ATP11A: variants seen among roughly 807,000 people sequenced by gnomAD.
ATP11A encodes ATPase phospholipid transporting 11A.
ATP11A carries 81 observed loss-of-function variants against 154.4 expected under a neutral mutation model. The observed-to-expected ratio is 0.52, with a 90% CI of 0.44 to 0.63. The LOEUF (loss-of-function observed/expected upper bound fraction) is 0.63, where lower values mean the gene tolerates loss of function less well. ATP11A is among the 30% of genes least tolerant of loss of function. The pLI is 0.00. For missense variants in ATP11A, 1,316 were observed against 1,474.3 expected, an observed-to-expected ratio of 0.89 and a Z score of 1.76; for synonymous variants, 623 against 585.9, an observed-to-expected ratio of 1.06 and a Z score of -0.91.
chr13:112,837,763 C>T (rs943608467), intron 16 of ATP11A, among the ~76,000 whole-genome samples: 2 of 152,114 alleles, frequency 1.3e-5, no homozygotes, highest in African/African-American at 4.8e-5. Context: ...AGAGCAGGGC[C>T]ATCATCAGTG....
intron 1 of ATP11A, among the ~76,000 whole-genome samples, chr13:112,695,360 G>A (rs748321606): frequency 6.6e-6 from 1 of 152,214 alleles, no homozygotes. Flanking sequence ...CTCATCACAC[G>A]AATTCACCAA....
At chr13:112,814,372 T>C (rs1399946931) in intron 5 of ATP11A, among the ~76,000 whole-genome samples, 1 of 152,170 alleles carries the variant, frequency 6.6e-6, no homozygotes, top group African/African-American at 2.4e-5. Flanking sequence ...TGATTTTTTT[T>C]TTTTCTTTTG....
chr13:112,725,516 G>T (rs1376585047), intron 1 of ATP11A, among the ~76,000 whole-genome samples: 1 of 152,250 alleles, frequency 6.6e-6, no homozygotes, highest in East Asian at 1.9e-4. Flanking sequence ...TCTGCACGCG[G>T]CTGGCTCTGC....
chr13:112,789,649 C>T (rs1459837335), intron 2 of ATP11A, among the ~76,000 whole-genome samples: 1 of 151,004 alleles, frequency 6.6e-6, no homozygotes, highest in Non-Finnish European at 1.5e-5. Flanking sequence ...CATGTAGACC[C>T]CTGTGGAGAC....
At chr13:112,865,785 A>C (rs1053128658) in intron 25 of ATP11A, among the ~76,000 whole-genome samples, 2 of 152,190 alleles carry the variant, frequency 1.3e-5, no homozygotes, top group African/African-American at 4.8e-5. Flanking sequence ...TCCTGACCTC[A>C]GGTGATCTGC....
At chr13:112,802,566 A>C (rs1369295198) in intron 2 of ATP11A, among the ~76,000 whole-genome samples, 2 of 151,632 alleles carry the variant, frequency 1.3e-5, no homozygotes, top group Admixed American at 6.6e-5. Context: ...AAAAAAAAAA[A>C]AAAAAAACCC....
At position 112,733,011 on chromosome 13, in the gene ATP11A, GAC is replaced by G. The variant is rs1290319435; in HGVS notation, c.39+42560_39+42561del. Among the ~76,000 whole-genome samples, 4 of 152,182 alleles carry G rather than the reference GAC, an allele frequency of 2.6e-5. 1 individual carries two copies. The highest frequency in any genetic ancestry group is 4.1e-4 in the South Asian group (2 of 4,824). On this transcript the variant is annotated intron_variant, in intron 1 of 29. Coordinates refer to ENST00000375645, the MANE Select transcript of ATP11A (RefSeq NM_015205.3). ...CTTCTATTTTAGAGTTGGAGCAATA[GAC>G]ACAGGTTTACAAGTTATTTATATAA...
At chr13:112,850,470 T>C (rs946671212) in intron 17 of ATP11A, among the ~76,000 whole-genome samples, 2 of 152,206 alleles carry the variant, frequency 1.3e-5, no homozygotes, top group African/African-American at 4.8e-5. Context: ...TATGGTAACA[T>C]CCAGAATGAT....
chr13:112,753,082 G>A lies in ATP11A; in HGVS notation c.40-32053G>A, dbSNP rs963784199. On this transcript the variant is annotated intron_variant, in intron 1 of 29. Transcript: ENST00000375645. The surrounding 1 kb of genome is among the most constrained non-coding windows in gnomAD (Gnocchi z 4.1). ...CATCAGGCCCAGGGTAAATGAGTCA[G>A]TGTTCCCAATGACATATACGGTGGC... 6.6e-6 allele frequency among the ~76,000 whole-genome samples: 1 copy of A among 152,206 alleles called. No individual in the cohort carries two copies. Among genetic ancestry groups the A allele is most frequent in the African/African-American group, 2.4e-5 (1 of 41,454 alleles).
At chr13:112,861,614 A>G (rs2080105232) in intron 24 of ATP11A, among the ~76,000 whole-genome samples, 1 of 152,270 alleles carries the variant, frequency 6.6e-6, no homozygotes, top group East Asian at 1.9e-4. Flanking sequence ...GGGATTCTGC[A>G]GGAATCCGTG....
rs970491485 is a variant in ATP11A, at chr13:112,866,821, G to A, written c.2991+4246G>A. On this transcript the variant is annotated intron_variant, in intron 25 of 29. Transcript: ENST00000375645. The stretch of plus-strand genomic sequence containing the variant: ...TTACTAAACACTGCTGTTATCCTTC[G>A]TCATCACTTAAATCAGTTTTTACCA... Among the ~76,000 whole-genome samples, 5 of 151,354 alleles carry A rather than the reference G, an allele frequency of 3.3e-5. No individual in the cohort carries two copies. In the East Asian group the frequency reaches 5.9e-4, roughly 18 times the overall value.
rs1170496666 is a variant in ATP11A, at chr13:112,746,828, G to C, written c.40-38307G>C. ...CTACGTTGACCTCCCTAAGTGCTGG[G>C]ATTACAGCTGTGAGCTGCTGTGCCT... On this transcript the variant is annotated intron_variant, in intron 1 of 29. Transcript: ENST00000375645. The surrounding 1 kb of genome is among the most constrained non-coding windows in gnomAD (Gnocchi z 4.1). 6.6e-6 allele frequency: 1 copy of C among 152,096 alleles called. No individual in the cohort carries two copies. Among genetic ancestry groups the C allele is most frequent in the Non-Finnish European group, 1.5e-5 (1 of 68,046 alleles). The allele number at this position is 152,096 out of a possible 1,614,324, so 9.4% of individuals were successfully genotyped here. A position where few individuals can be genotyped will look rare whatever the true frequency, so the allele number is the denominator to read the frequency against.
At chr13:112,698,270 T>G (rs914948406) in intron 1 of ATP11A, among the ~76,000 whole-genome samples, 1 of 152,062 alleles carries the variant, frequency 6.6e-6, no homozygotes, top group African/African-American at 2.4e-5. Flanking sequence ...CTGGCCTGAG[T>G]TGCTGGGCCC....
chr13:112,832,957 G>T lies in ATP11A; in HGVS notation c.1493G>T (p.Gly498Val). 1 of 1,613,926 alleles carries T rather than the reference G, an allele frequency of 6.2e-7. No homozygotes were observed. Among genetic ancestry groups the T allele is most frequent in the African/African-American group, 1.3e-5 (1 of 75,054 alleles). ...SVDGPRKSPDGGKSCVYISSS... is the reference protein window; with the variant it reads ...SVDGPRKSPDVGKSCVYISSS... ...GACGGCCCCAGGAAATCGCCGGACG[G>T]GGGGAAATCCTGTGTGTACATCTCA... Residue 498 changes from glycine to valine, a missense_variant, in exon 14 of 30, where the codon GGG becomes GTG. By Grantham distance (109) the Gly-to-Val change is moderately radical. Transcript: ENST00000375645.
intron 1 of ATP11A, among the ~76,000 whole-genome samples, chr13:112,779,748 A>G (rs1349449392): frequency 6.6e-6 from 1 of 152,088 alleles, no homozygotes; most frequent in Non-Finnish European, 1.5e-5. Flanking sequence ...TCTACTAAAA[A>G]TACAAAATTA....
Position 112,857,863 on chromosome 13 carries a change from G to A in ATP11A, c.2464G>A (p.Ala822Thr), listed in dbSNP as rs1334835474. The change falls in exon 21 of 30, where the codon GCA (alanine) becomes ACA (threonine). Residue 822 changes from alanine to threonine, a missense_variant. Transcript: ENST00000375645. ...KFSKEHPITL[A>T]IGDGANDVSM... ...TTCAAAAGAGCACCCAATCACGTTAGCAATTGGCGATGGTGCAAATGATGT... is the reference window on the plus strand; with the variant it reads ...TTCAAAAGAGCACCCAATCACGTTAACAATTGGCGATGGTGCAAATGATGT... The A allele has an allele frequency of 6.2e-7, 1 of 1,614,102 alleles. No individual in the cohort carries two copies. The highest frequency in any genetic ancestry group is 1.3e-5 in the African/African-American group (1 of 74,934).
intron 1 of ATP11A, among the ~76,000 whole-genome samples, chr13:112,708,809 T>A (rs969443320): frequency 4.6e-5 from 7 of 152,158 alleles, no homozygotes; most frequent in Non-Finnish European, 1.0e-4. Flanking sequence ...AACGAGTGGC[T>A]CTCCCGCCTG....
chr13:112,792,471 T>C (rs1427239872), intron 2 of ATP11A, among the ~76,000 whole-genome samples: 2 of 152,240 alleles, frequency 1.3e-5, no homozygotes, highest in African/African-American at 4.8e-5. Flanking sequence ...GTTAAGACTT[T>C]TTAAGTGCCA....
chr13:112,823,032 G>A (rs2078839902), intron 8 of ATP11A, among the ~76,000 whole-genome samples: 2 of 152,284 alleles, frequency 1.3e-5, no homozygotes, highest in South Asian at 2.1e-4. Flanking sequence ...GAGGTCTCTC[G>A]GGGAGTGTTG....
Sources: gnomAD v4.1 joint callset for allele counts (sites outside exome capture counted in the v4.1 genomes callset) on GRCh38, gnomAD v4.1.1 for gene constraint, Gnocchi (gnomAD v3.1) non-coding constraint, MANE v1.5 for transcripts, NCBI Gene and HGNC (gene_info 2026-07-23, HGNC 2026-07-21) for gene names.